Variants in ACMSD observed in about 807,000 individuals in gnomAD.
The protein encoded by ACMSD is 2-amino-3-carboxymuconate-6-semialdehyde decarboxylase.
In ACMSD, 37 loss-of-function variants were observed where a neutral mutation model predicts 45.9. The ratio of observed to expected loss-of-function variants is 0.81; its 90% CI spans 0.62 to 1.06. ACMSD has a LOEUF of 1.06. ACMSD is among the 50% of genes least tolerant of loss of function. The probability of loss-of-function intolerance (pLI) is 0.00; values close to 1 mark genes in which losing one functional copy is unlikely to be tolerated. For missense variants in ACMSD, 434 were observed against 420.9 expected, an observed-to-expected ratio of 1.03 and a Z score of -0.27; for synonymous variants, 138 against 148.8, an observed-to-expected ratio of 0.93 and a Z score of 0.53.
intron 2 of ACMSD, among the ~76,000 whole-genome samples, chr2:134,845,913 C>G (rs1252761446): frequency 6.6e-6 from 1 of 152,196 alleles, no homozygotes; most frequent in African/African-American, 2.4e-5. Context: ...TATTCTTGAG[C>G]TTCCAGCTGG....
chr2:134,854,455 G>T (rs890260730), intron 2 of ACMSD, among the ~76,000 whole-genome samples: 1 of 152,198 alleles, frequency 6.6e-6, no homozygotes, highest in Non-Finnish European at 1.5e-5. Flanking sequence ...GCCACTCCCA[G>T]TCATGGACAG....
chr2:134,862,991 G>A, intron 4 of ACMSD: 16 of 985,460 alleles, frequency 1.6e-5, no homozygotes, highest in Non-Finnish European at 1.9e-5. Flanking sequence ...CCCTCAATGG[G>A]GCATGACAAG....
chr2:134,899,836 T>C (rs982109217), intron 9 of ACMSD, among the ~76,000 whole-genome samples: 1 of 152,160 alleles, frequency 6.6e-6, no homozygotes, highest in Non-Finnish European at 1.5e-5. Context: ...CCAAGATACA[T>C]TAAATTTTAA....
chr2:134,866,547 T>C (rs757006389), intron 5 of ACMSD, among the ~76,000 whole-genome samples: 1 of 152,242 alleles, frequency 6.6e-6, no homozygotes, highest in Non-Finnish European at 1.5e-5. Flanking sequence ...CTTACCCTTT[T>C]CCTGACACTT....
chr2:134,872,755 G>GA lies in ACMSD; in HGVS notation c.849+117dup, dbSNP rs561802756. 3.3e-4 allele frequency: 412 copies of GA among 1,259,932 alleles called. 3 individuals carry two copies. The South Asian group carries it at 5.3e-3, about 16-fold the overall frequency. 78.0% of individuals were successfully genotyped at this position (1,259,932 alleles called of 1,614,324 possible). A position where few individuals can be genotyped will look rare whatever the true frequency, so the allele number is the denominator to read the frequency against. Reference sequence around the variant, plus strand: ...AAGGGATGGAAGAAAGGTATTAGATGAAAGGAGAGAGACAGTGAGGTTTGG... The same window carrying GA: ...AAGGGATGGAAGAAAGGTATTAGATGAAAAGGAGAGAGACAGTGAGGTTTGG... On this transcript the variant is annotated intron_variant, in intron 8 of 9. Transcript: ENST00000356140.
At chr2:134,888,712 A>C (rs2104941185) in intron 8 of ACMSD, among the ~76,000 whole-genome samples, 1 of 151,120 alleles carries the variant, frequency 6.6e-6, no homozygotes, top group South Asian at 2.1e-4. Context: ...TAACTCTTAC[A>C]AAAGGCTGAA....
intron 8 of ACMSD, among the ~76,000 whole-genome samples, chr2:134,887,724 C>T (rs1689542607): frequency 1.3e-5 from 2 of 152,100 alleles, no homozygotes; most frequent in Non-Finnish European, 2.9e-5. Flanking sequence ...CATCCTTATA[C>T]GGTCAATTAA....
chr2:134,862,344 C>T (rs531603661), intron 4 of ACMSD, among the ~76,000 whole-genome samples: 1 of 152,224 alleles, frequency 6.6e-6, no homozygotes, highest in South Asian at 2.1e-4. Context: ...AACTGACAAG[C>T]TAATATCTTC....
intron 8 of ACMSD, among the ~76,000 whole-genome samples, chr2:134,889,893 T>C (rs1689676776): frequency 6.6e-6 from 1 of 151,752 alleles, no homozygotes; most frequent in Admixed American, 6.6e-5. Context: ...AGTCCATGAG[T>C]CCAAAATGAT....
chr2:134,890,626 T>C (rs146341458), intron 8 of ACMSD, among the ~76,000 whole-genome samples: 1 of 152,092 alleles, frequency 6.6e-6, no homozygotes, highest in African/African-American at 2.4e-5. Context: ...ATAAAAAGTA[T>C]CCCTTTTTTT....
chr2:134,897,885 G>GTTTTTTTTTTTT (rs539416140), intron 8 of ACMSD, among the ~76,000 whole-genome samples: 2 of 133,172 alleles, frequency 1.5e-5, no homozygotes, highest in Non-Finnish European at 1.7e-5. Context: ...TTTTGTTTTT[G>GTTTTTTTTTTTT]TTTTTTTTTT....
chr2:134,872,412 A>T, intron 7 of ACMSD, 57 bp from the exon 8 acceptor site: 2 of 1,600,852 alleles, frequency 1.2e-6, no homozygotes, highest in Non-Finnish European at 8.6e-7. Flanking sequence ...TAACATCAAG[A>T]CTAAAGGAAT....
intron 8 of ACMSD, among the ~76,000 whole-genome samples, chr2:134,880,305 T>C (rs909746434): frequency 6.6e-6 from 1 of 152,214 alleles, no homozygotes; most frequent in Non-Finnish European, 1.5e-5. Flanking sequence ...AATTTCACAA[T>C]GATACTACTT....
intron 8 of ACMSD, among the ~76,000 whole-genome samples, chr2:134,886,259 T>A (rs1236196856): frequency 1.4e-5 from 2 of 142,156 alleles, no homozygotes; most frequent in Non-Finnish European, 3.0e-5. Context: ...TTTTTTTTTT[T>A]TTTTTTTTTG....
At chr2:134,899,545 C>T (rs183925989) in intron 9 of ACMSD, among the ~76,000 whole-genome samples, 4 of 151,908 alleles carry the variant, frequency 2.6e-5, no homozygotes, top group Admixed American at 6.6e-5. Flanking sequence ...TAAACAGAAA[C>T]CAGATGACCC....
At chr2:134,895,984 A>G (rs1393412856) in intron 8 of ACMSD, among the ~76,000 whole-genome samples, 1 of 152,216 alleles carries the variant, frequency 6.6e-6, no homozygotes, top group African/African-American at 2.4e-5. Context: ...CTATGGGACT[A>G]GCCTAAAGAC....
chr2:134,852,837 G>A (rs1248832186), intron 2 of ACMSD, among the ~76,000 whole-genome samples: 1 of 152,008 alleles, frequency 6.6e-6, no homozygotes. Flanking sequence ...ATGGGGAGGA[G>A]AATGGAAATC....
intron 6 of ACMSD, among the ~76,000 whole-genome samples, chr2:134,870,081 T>C (rs1445717228): frequency 1.3e-5 from 2 of 152,198 alleles, no homozygotes; most frequent in African/African-American, 2.4e-5. Context: ...ATGAGCATCC[T>C]GTGAAGCCTA....
intron 8 of ACMSD, among the ~76,000 whole-genome samples, chr2:134,882,871 C>T (rs953244395): frequency 3.9e-5 from 6 of 152,136 alleles, no homozygotes; most frequent in Non-Finnish European, 8.8e-5. Context: ...TTCATGCATC[C>T]CAGCAGGTGA....
Sources: allele counts gnomAD v4.1 joint callset (sites outside exome capture counted in the v4.1 genomes callset), GRCh38; gene constraint gnomAD v4.1.1; transcripts MANE v1.5; gene names NCBI Gene and HGNC (gene_info 2026-07-23, HGNC 2026-07-21).